The following C2CD3 variants were observed in gnomAD, a reference collection of about 807,000 sequenced individuals.
C2CD3 encodes the protein C2 domain containing 3 centriole elongation regulator.
C2CD3 carries 148 observed loss-of-function variants against 234.0 expected under a neutral mutation model. The ratio of observed to expected loss-of-function variants is 0.63; its 90% confidence interval spans 0.55 to 0.72. The LOEUF (loss-of-function observed/expected upper bound fraction) is 0.72, where lower values mean the gene tolerates loss of function less well. Ranked by LOEUF, C2CD3 falls within the 30% of genes least tolerant of loss-of-function variation. The pLI is 0.00. For missense variants in C2CD3, 2,577 were observed against 2,811.5 expected (o/e 0.92, Z 1.89); for synonymous variants, 1,000 against 1,035.4 (o/e 0.97, Z 0.66).
intron 29 of C2CD3, among the ~76,000 whole-genome samples, chr11:74,041,690 A>G (rs1401282720): frequency 6.6e-6 from 1 of 152,210 alleles, no homozygotes; most frequent in Non-Finnish European, 1.5e-5. Flanking sequence ...GGTGCTAACT[A>G]AACTAAGAAA....
intron 15 of C2CD3, among the ~76,000 whole-genome samples, chr11:74,099,425 A>G (rs1956228095): frequency 1.3e-5 from 2 of 152,266 alleles, no homozygotes; most frequent in African/African-American, 4.8e-5. Flanking sequence ...TCTGTAATAT[A>G]GGGATAATAA....
intron 3 of C2CD3, among the ~76,000 whole-genome samples, chr11:74,144,172 A>G (rs1298816477): frequency 6.6e-6 from 1 of 152,244 alleles, no homozygotes; most frequent in Non-Finnish European, 1.5e-5. Flanking sequence ...TCTTTGTGGA[A>G]GAGAATGTGA....
At chr11:74,096,158 G>A (rs1956098315) in intron 16 of C2CD3, among the ~76,000 whole-genome samples, 1 of 152,176 alleles carries the variant, frequency 6.6e-6, no homozygotes, top group African/African-American at 2.4e-5. Context: ...GATTTAACAT[G>A]CAGAGCTAGT....
chr11:74,157,072 C>T (rs979355318), intron 3 of C2CD3, among the ~76,000 whole-genome samples: 2 of 152,186 alleles, frequency 1.3e-5, no homozygotes, highest in Non-Finnish European at 2.9e-5. Flanking sequence ...TGCACATATG[C>T]AAATTTGAAT....
chr11:74,160,203 C>G (rs1364372312), intron 3 of C2CD3, among the ~76,000 whole-genome samples: 4 of 152,108 alleles, frequency 2.6e-5, no homozygotes, highest in Non-Finnish European at 5.9e-5. Context: ...CCTGAGGACA[C>G]ATTTCTCAAA....
rs1053900305 is a variant in C2CD3, at chr11:74,074,343, C to T, written c.4861G>A (p.Val1621Ile). ...QVPCSSTTAE[V>I]RLTQEGPADL... ...GCAGGGCCCTCCTGCGTCAGGCGGA[C>T]TTCAGCTGTGGTGCTGCTGCAGGGG... is the stretch of plus-strand genomic sequence containing the variant. Residue 1621 changes from valine to isoleucine, a missense_variant, in exon 24 of 33, where the codon GTC (valine) becomes ATC (isoleucine). Val to Ile is a conservative substitution (Grantham distance 29). Transcript: ENST00000334126. 1 of 1,614,242 alleles carries T rather than the reference C, an allele frequency of 6.2e-7. No individual in the cohort carries two copies. Among genetic ancestry groups the T allele is most frequent in the Non-Finnish European group, 8.5e-7 (1 of 1,180,030 alleles).
chr11:74,111,466 A>G (rs1251662586), intron 11 of C2CD3, among the ~76,000 whole-genome samples: 1 of 152,194 alleles, frequency 6.6e-6, no homozygotes. Context: ...CCTTCAGGCT[A>G]TGCATATAAG....
In C2CD3 at chr11:74,103,353, G is replaced by C. The variant is rs376139979; in HGVS notation, c.2358C>G (p.Ala786=). ...PHPSTFVATP[A]SHNLVNQTNG... ...TTGTCTGATTGACTAAATTATGGGA[G>C]GCTGGCGTAGCTACGAAGGTTGAAG... The change falls in exon 14 of 33, where the codon GCC becomes GCG. Residue 786 remains alanine (A), a synonymous_variant. Transcript: ENST00000334126. 3.7e-6 allele frequency: 6 copies of C among 1,614,102 alleles called. No individual in the cohort carries two copies. The highest frequency in any genetic ancestry group is 5.1e-6 in the Non-Finnish European group (6 of 1,180,042).
intron 3 of C2CD3, among the ~76,000 whole-genome samples, chr11:74,150,282 G>C (rs1855509586): frequency 2.0e-5 from 3 of 151,058 alleles, no homozygotes; most frequent in African/African-American, 7.3e-5. Flanking sequence ...TTTGAAACCA[G>C]CCTGGCCAAC....
intron 28 of C2CD3, among the ~76,000 whole-genome samples, chr11:74,045,623 G>A (rs1049637805): frequency 1.3e-5 from 2 of 151,538 alleles, no homozygotes; most frequent in Non-Finnish European, 2.9e-5. Flanking sequence ...CTAGGCTGGA[G>A]TGCAATGGCA....
At position 74,103,832 on chromosome 11, in the gene C2CD3, G is replaced by A. The variant is rs1380870935; in HGVS notation, c.2086-207C>T. 4.6e-5 allele frequency among the ~76,000 whole-genome samples: 7 copies of A among 152,282 alleles called. No homozygotes were observed. In the East Asian group the frequency reaches 5.8e-4, roughly 13 times the overall value. ...AGATGATTTATCAATAACAAAAGAT[G>A]AGCCTGGAAGATCAAGTTATGCCAG... is the stretch of plus-strand genomic sequence containing the variant. On this transcript the variant is annotated intron_variant, in intron 13 of 32. Transcript: ENST00000334126.
chr11:74,118,359 A>T lies in C2CD3; in HGVS notation c.1389T>A (p.Asp463Glu). ...CGATATCATCCTCTTCACTGAGGAA[A>T]TCACTGATGCTGGTATCAGATTTCT... The part of the protein sequence containing the change: ...TAPKSDTSIS[D>E]FLSEEDDIVP... Residue 463 changes from aspartate (D) to glutamate (E), a missense_variant, in exon 9 of 33, where the codon GAT (aspartate) becomes GAA (glutamate). Coordinates refer to ENST00000334126, the MANE Select transcript of C2CD3 (RefSeq NM_001286577.2). 3 of 1,612,768 alleles carry T rather than the reference A, an allele frequency of 1.9e-6. No individual in the cohort carries two copies. The highest frequency in any genetic ancestry group is 1.7e-4 in the Middle Eastern group (1 of 6,058).
chr11:74,023,838 G>A (rs1287971545), intron 32 of C2CD3, among the ~76,000 whole-genome samples: 1 of 152,194 alleles, frequency 6.6e-6, no homozygotes, highest in Non-Finnish European at 1.5e-5. Flanking sequence ...AGCCTAATTT[G>A]TGGAAGGAGT....
intron 13 of C2CD3, 74 bp from the exon 14 acceptor site, chr11:74,103,699 CA>C: frequency 8.1e-7 from 1 of 1,234,646 alleles, no homozygotes; most frequent in Non-Finnish European, 1.1e-6. Context: ...AGGCTGGAAA[CA>C]ACATCAGATT....
intron 19 of C2CD3, 59 bp from the exon 20 acceptor site, chr11:74,090,995 C>T: frequency 6.3e-7 from 1 of 1,591,996 alleles, no homozygotes. Context: ...TTCCACCAAA[C>T]CACAAAGTTT....
At chr11:74,070,824 A>G in intron 24 of C2CD3, 1 of 151,962 alleles carries the variant, frequency 6.6e-6, no homozygotes, top group East Asian at 1.9e-4. Context: ...TTTTTTGGCC[A>G]ATGTCCCATT....
intron 14 of C2CD3, among the ~76,000 whole-genome samples, chr11:74,102,835 T>C: frequency 6.6e-6 from 1 of 152,164 alleles, no homozygotes; most frequent in Admixed American, 6.5e-5. Context: ...TGGGGAGGTT[T>C]AACTAATCAA....
chr11:74,128,687 C>G (rs1392046168), intron 7 of C2CD3: 1 of 151,948 alleles, frequency 6.6e-6, no homozygotes, highest in Non-Finnish European at 1.5e-5. Flanking sequence ...GCAGAGGACC[C>G]TGCGGCCTTC....
At chr11:74,052,337 T>C (rs1953734914) in intron 26 of C2CD3, among the ~76,000 whole-genome samples, 1 of 152,230 alleles carries the variant, frequency 6.6e-6, no homozygotes. Flanking sequence ...ACTTTACATA[T>C]ATTATCTCTA....
Sources: allele counts gnomAD v4.1 joint callset (sites outside exome capture counted in the v4.1 genomes callset), GRCh38; gene constraint gnomAD v4.1.1; transcripts MANE v1.5; gene names NCBI Gene and HGNC (gene_info 2026-07-23, HGNC 2026-07-21).